Variants in CABLES1 observed in about 807,000 individuals in gnomAD.
The protein encoded by CABLES1 is Cdk5 and Abl enzyme substrate 1, also known as CDK5 and ABL1 enzyme substrate 1.
Under a neutral mutation model 57.8 loss-of-function variants are expected in CABLES1, and 36 were observed. That is an observed-to-expected ratio of 0.62 (90% confidence interval 0.48 to 0.82). The LOEUF (loss-of-function observed/expected upper bound fraction) is 0.82, where lower values mean the gene tolerates loss of function less well. Among genes scored for constraint, CABLES1 ranks in the 40% least tolerant of loss-of-function variants. CABLES1 has a pLI of 0.00. For synonymous variants in CABLES1, 374 were observed against 363.0 expected, an observed-to-expected ratio of 1.03 and a Z score of -0.35; for missense variants, 767 against 836.6, an observed-to-expected ratio of 0.92 and a Z score of 1.03.
chr18:23,225,648 G>C (rs2047522316), intron 4 of CABLES1, among the ~76,000 whole-genome samples: 1 of 152,162 alleles, frequency 6.6e-6, no homozygotes, highest in Admixed American at 6.6e-5. Context: ...GCCATTTTCT[G>C]GGAAGAGTCC....
chr18:23,158,515 T>C (rs545680692), intron 1 of CABLES1, among the ~76,000 whole-genome samples: 118 of 152,330 alleles, frequency 7.7e-4, no homozygotes, highest in Non-Finnish European at 1.5e-3. Flanking sequence ...AGTACGGTTG[T>C]CATTGCATCG....
intron 4 of CABLES1, among the ~76,000 whole-genome samples, chr18:23,217,401 A>G (rs577403208): frequency 9.9e-5 from 15 of 152,224 alleles, no homozygotes; most frequent in African/African-American, 1.9e-4. Context: ...ATTTTTTTCT[A>G]TAACAAAAAA....
chr18:23,148,330 G>GT (rs1212422564), intron 1 of CABLES1, among the ~76,000 whole-genome samples: 1 of 152,160 alleles, frequency 6.6e-6, no homozygotes, highest in Non-Finnish European at 1.5e-5. Context: ...TCTCCCGTGT[G>GT]AGGGCTCCTC....
intron 3 of CABLES1, among the ~76,000 whole-genome samples, chr18:23,194,776 A>G (rs765034256): frequency 6.6e-6 from 1 of 152,248 alleles, no homozygotes; most frequent in African/African-American, 2.4e-5. Flanking sequence ...TAGAACAGAA[A>G]CAAACTGAGT....
intron 2 of CABLES1, among the ~76,000 whole-genome samples, chr18:23,191,632 A>G (rs1279799546): frequency 6.6e-6 from 1 of 152,200 alleles, no homozygotes; most frequent in African/African-American, 2.4e-5. Flanking sequence ...TTGCATAATT[A>G]AGTATATCCT....
At chr18:23,244,871 T>G (rs377476415) in intron 7 of CABLES1, among the ~76,000 whole-genome samples, 1 of 152,164 alleles carries the variant, frequency 6.6e-6, no homozygotes, top group African/African-American at 2.4e-5. Flanking sequence ...TACGGCAAGC[T>G]CACATCTGCT....
intron 1 of CABLES1, among the ~76,000 whole-genome samples, chr18:23,181,750 G>A (rs928526246): frequency 1.2e-4 from 19 of 152,206 alleles, no homozygotes; most frequent in African/African-American, 4.6e-4. Context: ...CACTTCTAGG[G>A]TGTTTCCATT....
intron 7 of CABLES1, among the ~76,000 whole-genome samples, chr18:23,245,408 G>T (rs1364700229): frequency 6.6e-6 from 1 of 151,542 alleles, no homozygotes; most frequent in Non-Finnish European, 1.5e-5. Context: ...CTACTTGGGA[G>T]ACTGAGGCAC....
chr18:23,206,608 C>T (rs1251757878), intron 3 of CABLES1, among the ~76,000 whole-genome samples: 4 of 152,226 alleles, frequency 2.6e-5, no homozygotes, highest in Non-Finnish European at 5.9e-5. Flanking sequence ...CCACGTTGGA[C>T]TTCTCAAAAG....
At chr18:23,231,966 G>A (rs1335842166) in intron 4 of CABLES1, among the ~76,000 whole-genome samples, 1 of 152,084 alleles carries the variant, frequency 6.6e-6, no homozygotes, top group Non-Finnish European at 1.5e-5. Flanking sequence ...GATGAAAAGG[G>A]GCACAGTGGA....
At chr18:23,134,580 C>T (rs942709021), upstream of CABLES1, 3 of 152,108 alleles carry the variant, frequency 2.0e-5, no homozygotes, top group African/African-American at 4.8e-5. Flanking sequence ...ATGAGATAAA[C>T]GACAGGGTAA....
At chr18:23,177,482 G>T (rs1487730925) in intron 1 of CABLES1, among the ~76,000 whole-genome samples, 1 of 150,500 alleles carries the variant, frequency 6.6e-6, no homozygotes, top group Non-Finnish European at 1.5e-5. Context: ...ACCAGCCCCA[G>T]CCCCGCCGGT....
chr18:23,180,197 A>G (rs1335845022), intron 1 of CABLES1, among the ~76,000 whole-genome samples: 2 of 152,128 alleles, frequency 1.3e-5, no homozygotes, highest in Non-Finnish European at 2.9e-5. Context: ...CTAGGATTAC[A>G]GGCATGAGCC....
chr18:23,238,674 T>G (rs2047663875), intron 7 of CABLES1, among the ~76,000 whole-genome samples: 1 of 152,212 alleles, frequency 6.6e-6, no homozygotes, highest in Non-Finnish European at 1.5e-5. Context: ...TAAGGATGCT[T>G]TATGTGGTTC....
At chr18:23,178,642 G>T (rs1435064366) in intron 1 of CABLES1, among the ~76,000 whole-genome samples, 1 of 151,988 alleles carries the variant, frequency 6.6e-6, no homozygotes, top group Non-Finnish European at 1.5e-5. Context: ...GACAGCAGTG[G>T]GCAGGGTAGA....
At chr18:23,227,170 C>T (rs117967627) in intron 4 of CABLES1, among the ~76,000 whole-genome samples, 5 of 152,258 alleles carry the variant, frequency 3.3e-5, no homozygotes, top group Non-Finnish European at 7.4e-5. Context: ...CATTTTGCGA[C>T]ACAGAGAACA....
At position 23,234,769 on chromosome 18, in the gene CABLES1, G is replaced by A. The variant is rs983789389; in HGVS notation, c.1185+65G>A. The A allele has an allele frequency of 3.0e-6, 4 of 1,315,546 alleles. No individual in the cohort carries two copies. In the South Asian group the frequency reaches 3.7e-5, roughly 12 times the overall value. The allele number at this position is 1,315,546 out of a possible 1,614,324, so 81.5% of individuals were successfully genotyped here. A position where few individuals can be genotyped will look rare whatever the true frequency, so the allele number is the denominator to read the frequency against. On this transcript the variant is annotated intron_variant, in intron 5 of 9. Transcript: ENST00000256925. The stretch of plus-strand genomic sequence containing the variant: ...GGCACAAGGGTCAGGAAGCAGAGGA[G>A]GGGGGCAGCCCACAAGCCTCTCTTG...
intron 4 of CABLES1, among the ~76,000 whole-genome samples, chr18:23,223,008 C>G (rs1049888105): frequency 2.6e-5 from 4 of 152,234 alleles, no homozygotes; most frequent in African/African-American, 9.6e-5. Flanking sequence ...TCTCCGATCA[C>G]GAGTGCTCTG....
chr18:23,165,132 C>T (rs1393870523), intron 1 of CABLES1, among the ~76,000 whole-genome samples: 1 of 152,038 alleles, frequency 6.6e-6, no homozygotes, highest in Admixed American at 6.6e-5. Context: ...CTTACTGTGC[C>T]TCCTGGGCTA....
Sources: gnomAD v4.1 joint callset for allele counts (sites outside exome capture counted in the v4.1 genomes callset) on GRCh38, gnomAD v4.1.1 for gene constraint, MANE v1.5 for transcripts, NCBI Gene and HGNC (gene_info 2026-07-23, HGNC 2026-07-21) for gene names.